CDH10: variants seen among roughly 807,000 people sequenced by gnomAD.
CDH10 encodes the protein cadherin-10.
CDH10 carries 30 observed loss-of-function variants against 73.1 expected under a neutral mutation model. The ratio of observed to expected loss-of-function variants is 0.41; its 90% CI spans 0.31 to 0.56. The LOEUF (loss-of-function observed/expected upper bound fraction) is 0.56. CDH10 is among the 20% of genes least tolerant of loss of function. The pLI is 0.27. For missense variants in CDH10, 815 were observed against 973.7 expected, an observed-to-expected ratio of 0.84 and a Z score of 2.17; for synonymous variants, 345 against 348.2, an observed-to-expected ratio of 0.99 and a Z score of 0.10.
At chr5:24,615,965 T>C (rs1268126467) in intron 1 of CDH10, among the ~76,000 whole-genome samples, 1 of 152,184 alleles carries the variant, frequency 6.6e-6, no homozygotes, top group African/African-American at 2.4e-5. Flanking sequence ...CCCTTCTCAT[T>C]GCCAAGGTGT....
At chr5:24,493,843 G>T (rs79795907) in intron 9 of CDH10, among the ~76,000 whole-genome samples, 1,647 of 151,992 alleles carry the variant, frequency 0.011, 32 homozygotes, top group African/African-American at 0.037. Flanking sequence ...TTGTGTGGAT[G>T]CTGGATGAAA....
At chr5:24,526,568 C>G (rs778671099) in intron 5 of CDH10, among the ~76,000 whole-genome samples, 6 of 151,790 alleles carry the variant, frequency 4.0e-5, no homozygotes, top group African/African-American at 1.2e-4. Context: ...CTAAACACTT[C>G]CGGTAGAAAG....
chr5:24,533,699 T>G (rs965194821), intron 5 of CDH10, among the ~76,000 whole-genome samples: 1 of 152,060 alleles, frequency 6.6e-6, no homozygotes, highest in Non-Finnish European at 1.5e-5. Flanking sequence ...ACTTGTAAAA[T>G]GTGAAATTTA....
intron 2 of CDH10, among the ~76,000 whole-genome samples, chr5:24,572,800 A>C (rs1167445385): frequency 6.6e-6 from 1 of 152,034 alleles, no homozygotes; most frequent in East Asian, 1.9e-4. Context: ...TTCTCACACC[A>C]TATTCACATA....
rs1476582251 is a variant in CDH10 at position 24,487,885 on chromosome 5, A to T, written c.2145T>A (p.Asn715Lys). 1.9e-6 allele frequency: 3 copies of T among 1,613,834 alleles called. No individual in the cohort carries two copies. Among genetic ancestry groups the T allele is most frequent in the Non-Finnish European group, 2.5e-6 (3 of 1,179,962 alleles). ...PDNTDVRDFI[N>K]ERLKEHDLDP... ...CAAGATCATGCTCTTTTAGCCTTTCATTAATGAAATCCCGGACGTCCGTGT... is the reference window on the plus strand; with the variant it reads ...CAAGATCATGCTCTTTTAGCCTTTCTTTAATGAAATCCCGGACGTCCGTGT... Residue 715 changes from asparagine (N) to lysine (K), a missense_variant, in exon 12 of 12, where the codon AAT (asparagine) becomes AAA (lysine). Coordinates refer to ENST00000264463, the MANE Select transcript of CDH10 (RefSeq NM_006727.5).
At chr5:24,504,687 G>A (rs549158987) in intron 8 of CDH10, among the ~76,000 whole-genome samples, 4 of 151,556 alleles carry the variant, frequency 2.6e-5, no homozygotes, top group Admixed American at 6.6e-5. Context: ...CACCATGCCC[G>A]GCTAATTTTT....
chr5:24,549,554 T>TTTA lies in CDH10; in HGVS notation c.232-11881_232-11880insTAA, dbSNP rs1448723589. Among the ~76,000 whole-genome samples the TTTA allele has an allele frequency of 4.7e-5, 7 of 150,458 alleles. No homozygotes were observed. The East Asian group carries it at 1.4e-3, about 29-fold the overall frequency. ...AAGCCAATACACAATGGAATGACTT[T>TTTA]TTTTTTTTTTTTTTGAGACAAAGTC... On this transcript the variant is annotated intron_variant, in intron 2 of 11. Coordinates refer to ENST00000264463, the MANE Select transcript of CDH10 (RefSeq NM_006727.5).
Position 24,491,827 on chromosome 5 carries a change from T to C in CDH10, c.1625A>G (p.Asp542Gly). The C allele has an allele frequency of 1.9e-6, 3 of 1,581,454 alleles. No homozygotes were observed. The highest frequency in any genetic ancestry group is 1.7e-6 in the Non-Finnish European group (2 of 1,153,540). The change falls in exon 11 of 12, where the codon GAT becomes GGT. Residue 542 changes from aspartate (D) to glycine (G), a missense_variant and splice_region_variant. By Grantham distance (94) the Asp-to-Gly change is moderately conservative. Coordinates refer to ENST00000264463, the MANE Select transcript of CDH10 (RefSeq NM_006727.5). ...TCTGGTTAAGATTCTGGCAGTATTA[T>C]CTAAAACAAATTTTAAAATATTACA... ...NPNFTVQDNE[D>G]NTARILTRKN...
chr5:24,609,435 C>T lies in CDH10; in HGVS notation c.-123-15822G>A, dbSNP rs779741567. Among the ~76,000 whole-genome samples the T allele has an allele frequency of 3.9e-5, 6 of 152,006 alleles. No homozygotes were observed. In the East Asian group the frequency reaches 5.8e-4, roughly 15 times the overall value. ...ACAGAGCTCCACACAATCCAGTGTG[C>T]GCTGAAGATGTGACTCAGAGTAACA... On this transcript the variant is annotated intron_variant, in intron 1 of 11. Coordinates refer to ENST00000264463, the MANE Select transcript of CDH10 (RefSeq NM_006727.5).
intron 9 of CDH10, 82 bp from the exon 10 acceptor site, chr5:24,493,007 G>A (rs2111651662): frequency 3.0e-6 from 2 of 663,508 alleles, no homozygotes; most frequent in Non-Finnish European, 5.5e-6. Context: ...CATTTTGTCT[G>A]AAGTTGTTCA....
rs1009219525 is a variant in CDH10 at position 24,537,269 on chromosome 5, C to T, written c.526+111G>A. The T allele has an allele frequency of 7.0e-6, 5 of 712,076 alleles. No individual in the cohort carries two copies. In the East Asian group the frequency reaches 1.1e-4, roughly 16 times the overall value. 44.1% of individuals were successfully genotyped at this position (712,076 alleles called of 1,614,324 possible). A position where few individuals can be genotyped will look rare whatever the true frequency, so the allele number is the denominator to read the frequency against. On this transcript the variant is annotated intron_variant, in intron 3 of 11. Transcript: ENST00000264463. ...AAGAAAAAATAAATAAATATGTACT[C>T]ATGGTAGCAAATCAAAGAGGATTTC...
intron 1 of CDH10, among the ~76,000 whole-genome samples, chr5:24,642,566 C>G (rs890591377): frequency 1.3e-5 from 2 of 151,812 alleles, no homozygotes; most frequent in Admixed American, 1.3e-4. Flanking sequence ...CTCTCTTTTT[C>G]TTTTTTAAAG....
At chr5:24,621,804 T>C (rs1747325897) in intron 1 of CDH10, among the ~76,000 whole-genome samples, 1 of 151,392 alleles carries the variant, frequency 6.6e-6, no homozygotes, top group African/African-American at 2.4e-5. Flanking sequence ...TTATATGCAT[T>C]ATATACATGA....
At chr5:24,606,698 G>A (rs902609173) in intron 1 of CDH10, among the ~76,000 whole-genome samples, 10 of 152,098 alleles carry the variant, frequency 6.6e-5, no homozygotes, top group Admixed American at 5.2e-4. Context: ...TACCTTCATC[G>A]TATTTTTGTT....
rs746847549 is a variant in CDH10 at position 24,488,079 on chromosome 5, T to C, written c.1951A>G (p.Arg651Gly). 1 of 1,613,992 alleles carries C rather than the reference T, an allele frequency of 6.2e-7. No individual in the cohort carries two copies. Among genetic ancestry groups the C allele is most frequent in the Non-Finnish European group, 8.5e-7 (1 of 1,179,890 alleles). The change falls in exon 12 of 12, where the codon AGA (arginine) becomes GGA (glycine). Residue 651 changes from arginine (R) to glycine (G), a missense_variant. By Grantham distance (125) the Arg-to-Gly change is moderately radical. This residue lies in a region of CDH10 where 241 missense variants were observed against 240.3 expected (regional missense o/e 1.00). Coordinates refer to ENST00000264463, the MANE Select transcript of CDH10 (RefSeq NM_006727.5). ...EPLILSKEDI[R>G]DNIVSYNDEG... ...TCGTTATAGCTCACAATGTTGTCTC[T>C]GATATCTTCTTTTGACAAGATCAGA...
chr5:24,600,145 T>C (rs1746509997), intron 1 of CDH10, among the ~76,000 whole-genome samples: 1 of 152,170 alleles, frequency 6.6e-6, no homozygotes, highest in African/African-American at 2.4e-5. Flanking sequence ...TTATTCCTCA[T>C]TTTCTAATAT....
chr5:24,498,567 T>C (rs972902858), intron 8 of CDH10, 48 bp from the exon 9 acceptor site: 2 of 1,400,204 alleles, frequency 1.4e-6, no homozygotes, highest in Non-Finnish European at 2.0e-6. Flanking sequence ...AATTGGTGCA[T>C]CAAATTTAAT....
chr5:24,618,931 A>G (rs963302511), intron 1 of CDH10, among the ~76,000 whole-genome samples: 5 of 152,160 alleles, frequency 3.3e-5, no homozygotes, highest in Middle Eastern at 3.2e-3. Flanking sequence ...CAAACATCTG[A>G]TTTTAATAAT....
chr5:24,583,731 C>A (rs750312592), intron 2 of CDH10, among the ~76,000 whole-genome samples: 1 of 152,172 alleles, frequency 6.6e-6, no homozygotes, highest in Non-Finnish European at 1.5e-5. Flanking sequence ...CTGCAATCTC[C>A]GCCTCCCGGC....
Sources: allele counts gnomAD v4.1 joint callset (sites outside exome capture counted in the v4.1 genomes callset), GRCh38; gene constraint gnomAD v4.1.1; regional missense constraint gnomAD v4.1.1; transcripts MANE v1.5; gene names NCBI Gene and HGNC (gene_info 2026-07-23, HGNC 2026-07-21).